Variants in ZFPM2 observed in about 807,000 individuals in gnomAD.
The protein encoded by ZFPM2 is zinc finger protein, FOG family member 2.
A neutral mutation model predicts 98.6 loss-of-function variants in ZFPM2; 20 were observed. That is an observed-to-expected ratio of 0.20 (90% CI 0.14 to 0.29). The LOEUF is 0.29. Ranked by LOEUF, ZFPM2 falls within the 10% of genes least tolerant of loss-of-function variation. ZFPM2 has a pLI of 1.00. For missense variants in ZFPM2, 1,310 were observed against 1,388.6 expected (o/e 0.94, Z 0.90); for synonymous variants, 518 against 502.7 (o/e 1.03, Z -0.41).
chr8:105,399,798 G>C (rs1340607596), intron 1 of ZFPM2, among the ~76,000 whole-genome samples: 5 of 152,000 alleles, frequency 3.3e-5, no homozygotes, highest in Admixed American at 6.6e-5. Context: ...ACGAAGTCTT[G>C]CTCTGTGTCC....
intron 5 of ZFPM2, among the ~76,000 whole-genome samples, chr8:105,656,385 A>G (rs566250224): frequency 6.6e-6 from 1 of 152,294 alleles, no homozygotes; most frequent in South Asian, 2.1e-4. Context: ...TAACACCAAT[A>G]CACTATCCAT....
chr8:105,667,142 C>T (rs1321896019), intron 5 of ZFPM2, among the ~76,000 whole-genome samples: 2 of 152,096 alleles, frequency 1.3e-5, no homozygotes, highest in Non-Finnish European at 1.5e-5. Context: ...AGAAGCCTAT[C>T]GCTTCAAGGA....
chr8:105,423,302 C>A (rs1028127549), intron 2 of ZFPM2, among the ~76,000 whole-genome samples: 1 of 152,098 alleles, frequency 6.6e-6, no homozygotes, highest in Non-Finnish European at 1.5e-5. Context: ...TTGGCATTTC[C>A]TATGTCTCTT....
chr8:105,604,326 G>A (rs1001636092), intron 4 of ZFPM2, among the ~76,000 whole-genome samples: 1 of 150,940 alleles, frequency 6.6e-6, no homozygotes, highest in Non-Finnish European at 1.5e-5. Context: ...TCCTGGTTGA[G>A]GACACCATCA....
At chr8:105,715,791 T>A (rs1325023188) in intron 5 of ZFPM2, among the ~76,000 whole-genome samples, 4 of 152,036 alleles carry the variant, frequency 2.6e-5, no homozygotes, top group Admixed American at 6.6e-5. Context: ...AGCTTCAGAA[T>A]TCTCAACAGG....
intron 3 of ZFPM2, among the ~76,000 whole-genome samples, chr8:105,556,786 G>A (rs561985440): frequency 8.7e-5 from 13 of 148,700 alleles, no homozygotes; most frequent in African/African-American, 3.0e-4. Flanking sequence ...GCAGTGGTGC[G>A]ATCTTGGCTC....
At chr8:105,394,683 T>C (rs1220426650) in intron 1 of ZFPM2, among the ~76,000 whole-genome samples, 1 of 152,230 alleles carries the variant, frequency 6.6e-6, no homozygotes, top group East Asian at 1.9e-4. Flanking sequence ...GTGTGGGCTC[T>C]GGCCACGGAA....
intron 2 of ZFPM2, among the ~76,000 whole-genome samples, chr8:105,443,503 G>C (rs1355469343): frequency 6.6e-6 from 1 of 151,838 alleles, no homozygotes; most frequent in Non-Finnish European, 1.5e-5. Context: ...TTTCTTAAAA[G>C]CAGCACATAC....
At chr8:105,666,438 G>A (rs1254555808) in intron 5 of ZFPM2, among the ~76,000 whole-genome samples, 2 of 152,140 alleles carry the variant, frequency 1.3e-5, no homozygotes, top group African/African-American at 4.8e-5. Context: ...GCAAGATTTT[G>A]ATAGATGTTC....
At chr8:105,396,382 A>G (rs6992435) in intron 1 of ZFPM2, among the ~76,000 whole-genome samples, 146,226 of 152,266 alleles carry the variant, frequency 0.96, 70,301 homozygotes, top group East Asian at 1. Flanking sequence ...CTCTGGCCTG[A>G]TGGGAGTGAA....
intron 3 of ZFPM2, among the ~76,000 whole-genome samples, chr8:105,499,869 G>T (rs1211372050): frequency 2.0e-5 from 3 of 152,246 alleles, no homozygotes; most frequent in Non-Finnish European, 2.9e-5. Flanking sequence ...TGTAGGATTT[G>T]CAATGACAGG....
At chr8:105,445,010 CAAGT>C (rs1226714243) in intron 3 of ZFPM2, among the ~76,000 whole-genome samples, 1 of 151,974 alleles carries the variant, frequency 6.6e-6, no homozygotes, top group Non-Finnish European at 1.5e-5. Flanking sequence ...TATTTGGTGC[CAAGT>C]AATTTACAAT....
At chr8:105,563,154 G>C (rs1349676502) in intron 4 of ZFPM2, among the ~76,000 whole-genome samples, 1 of 152,156 alleles carries the variant, frequency 6.6e-6, no homozygotes, top group Non-Finnish European at 1.5e-5. Flanking sequence ...TTCGACAGGT[G>C]TACTGGGTTC....
chr8:105,463,984 C>T (rs1244446740), intron 3 of ZFPM2, among the ~76,000 whole-genome samples: 1 of 152,044 alleles, frequency 6.6e-6, no homozygotes, highest in Non-Finnish European at 1.5e-5. Flanking sequence ...TCCCCGCCTC[C>T]CCGCTAGGCT....
chr8:105,506,653 C>T (rs1049864117), intron 3 of ZFPM2, among the ~76,000 whole-genome samples: 1 of 152,028 alleles, frequency 6.6e-6, no homozygotes, highest in Non-Finnish European at 1.5e-5. Context: ...GATGTATTCA[C>T]TTATTTTTCA....
intron 3 of ZFPM2, among the ~76,000 whole-genome samples, chr8:105,531,326 C>T (rs1035564611): frequency 6.6e-6 from 1 of 152,084 alleles, no homozygotes; most frequent in African/African-American, 2.4e-5. Flanking sequence ...CCTCTGAACT[C>T]TTTAGGGGAA....
At chr8:105,509,530 T>C (rs1193854039) in intron 3 of ZFPM2, among the ~76,000 whole-genome samples, 1 of 152,148 alleles carries the variant, frequency 6.6e-6, no homozygotes, top group Admixed American at 6.5e-5. Flanking sequence ...GGAAAGAGAA[T>C]AAAGTCTTTG....
intron 5 of ZFPM2, among the ~76,000 whole-genome samples, chr8:105,676,672 A>T (rs1244419612): frequency 6.6e-6 from 1 of 152,020 alleles, no homozygotes; most frequent in Admixed American, 6.6e-5. Flanking sequence ...ATATTTGAAA[A>T]TACCAAAATA....
intron 1 of ZFPM2, among the ~76,000 whole-genome samples, chr8:105,362,299 A>G (rs1810415678): frequency 6.6e-6 from 1 of 151,988 alleles, no homozygotes; most frequent in Non-Finnish European, 1.5e-5. Flanking sequence ...AAGTTATGTA[A>G]TATTGTGAGG....
Sources: gnomAD v4.1 joint callset for allele counts (sites outside exome capture counted in the v4.1 genomes callset) on GRCh38, gnomAD v4.1.1 for gene constraint, MANE v1.5 for transcripts, NCBI Gene and HGNC (gene_info 2026-07-23, HGNC 2026-07-21) for gene names.